The following SUGCT variants were observed in gnomAD, a reference collection of about 807,000 sequenced individuals.
The protein encoded by SUGCT is succinyl-CoA:glutarate-CoA transferase.
SUGCT carries 41 observed loss-of-function variants against 55.0 expected under a neutral mutation model. The ratio of observed to expected loss-of-function variants is 0.74; its 90% confidence interval spans 0.58 to 0.97. The LOEUF (loss-of-function observed/expected upper bound fraction) is 0.97, where lower values mean the gene tolerates loss of function less well. Among genes scored for constraint, SUGCT ranks in the 50% least tolerant of loss-of-function variants. SUGCT has a pLI of 0.00. For missense variants in SUGCT, 568 were observed against 547.8 expected (o/e 1.04, Z -0.37); for synonymous variants, 187 against 200.4 (o/e 0.93, Z 0.56).
At chr7:40,951,451 C>T in the SUGCT span, among the ~76,000 whole-genome samples, 2 of 152,070 alleles carry the variant, frequency 1.3e-5, no homozygotes, top group Admixed American at 6.6e-5. Flanking sequence ...GTGTCTGTCT[C>T]CTTCAGTTCT....
chr7:40,231,073 G>C (rs753852570), intron 6 of SUGCT, among the ~76,000 whole-genome samples: 15 of 152,176 alleles, frequency 9.9e-5, no homozygotes, highest in Non-Finnish European at 1.9e-4. Flanking sequence ...ATTCATTAGA[G>C]AGATGAGAAT....
intron 1 of SUGCT, among the ~76,000 whole-genome samples, chr7:40,135,999 A>ATTTTT (rs34395438): frequency 8.9e-6 from 1 of 112,964 alleles, no homozygotes; most frequent in Admixed American, 9.4e-5. Flanking sequence ...AGGATGCAGG[A>ATTTTT]TTTTTTTTTT....
intron 12 of SUGCT, among the ~76,000 whole-genome samples, chr7:40,689,086 C>T (rs1158949105): frequency 1.3e-5 from 2 of 152,142 alleles, no homozygotes. Flanking sequence ...CTGAGGCAGA[C>T]CCAACTTAAA....
intron 12 of SUGCT, among the ~76,000 whole-genome samples, chr7:40,532,905 T>C (rs1407093697): frequency 1.3e-5 from 2 of 152,202 alleles, no homozygotes; most frequent in Non-Finnish European, 2.9e-5. Context: ...GTCTCTCAGC[T>C]CACATGAGTA....
At chr7:40,970,617 C>A in the SUGCT span, among the ~76,000 whole-genome samples, 1 of 152,148 alleles carries the variant, frequency 6.6e-6, no homozygotes, top group Non-Finnish European at 1.5e-5. Flanking sequence ...TAGGAAAGTT[C>A]TGAGAAATAC....
chr7:40,503,592 T>C lies in SUGCT; in HGVS notation c.1089+7206T>C, dbSNP rs192282317. Among the ~76,000 whole-genome samples, 489 of 152,280 alleles carry C rather than the reference T, an allele frequency of 3.2e-3. 2 individuals carry two copies. Among genetic ancestry groups the C allele is most frequent in the Non-Finnish European group, 4.9e-3 (331 of 67,974 alleles). On this transcript the variant is annotated intron_variant, in intron 12 of 13. Transcript: ENST00000335693. ...AATAAGAGGAGAAAGGGAGACATTTTCTGTTTGAAATAACGGAAATTAACT... is the reference window on the plus strand; with the variant it reads ...AATAAGAGGAGAAAGGGAGACATTTCCTGTTTGAAATAACGGAAATTAACT...
chr7:40,427,062 A>G (rs1787624673), intron 9 of SUGCT, among the ~76,000 whole-genome samples: 1 of 152,182 alleles, frequency 6.6e-6, no homozygotes, highest in African/African-American at 2.4e-5. Flanking sequence ...CTCCTGCCTC[A>G]GCCTTCTAAA....
At chr7:40,290,596 C>G (rs1793677640) in intron 8 of SUGCT, among the ~76,000 whole-genome samples, 2 of 152,150 alleles carry the variant, frequency 1.3e-5, no homozygotes, top group Admixed American at 1.3e-4. Flanking sequence ...TAGGCATGGG[C>G]AAGGACTACA....
chr7:40,384,573 C>G (rs912518976), intron 9 of SUGCT, among the ~76,000 whole-genome samples: 2 of 151,076 alleles, frequency 1.3e-5, no homozygotes, highest in African/African-American at 4.9e-5. Flanking sequence ...TTTTTTGAGA[C>G]AGTATCTTGC....
chr7:40,796,902 G>C (rs1277540849), intron 13 of SUGCT, among the ~76,000 whole-genome samples: 1 of 152,210 alleles, frequency 6.6e-6, no homozygotes, highest in Non-Finnish European at 1.5e-5. Flanking sequence ...GTGAAGGTCA[G>C]CCCGAGATGA....
intron 8 of SUGCT, among the ~76,000 whole-genome samples, chr7:40,276,522 C>T (rs139539328): frequency 4.7e-4 from 71 of 152,224 alleles, no homozygotes; most frequent in African/African-American, 1.7e-3. Context: ...TGTAGCAGGT[C>T]GTGGAGTTGA....
At chr7:40,581,829 C>T (rs949463800) in intron 12 of SUGCT, among the ~76,000 whole-genome samples, 4 of 152,062 alleles carry the variant, frequency 2.6e-5, no homozygotes, top group African/African-American at 9.7e-5. Context: ...GGAAAGTGAC[C>T]AGAGAGAATC....
At chr7:40,548,256 A>G (rs1795112513) in intron 12 of SUGCT, among the ~76,000 whole-genome samples, 1 of 137,676 alleles carries the variant, frequency 7.3e-6, no homozygotes, top group African/African-American at 2.8e-5. Context: ...TGGTACAATC[A>G]TAGCTCACTG....
intron 13 of SUGCT, among the ~76,000 whole-genome samples, chr7:40,857,532 G>T (rs1325269273): frequency 6.6e-6 from 1 of 152,108 alleles, no homozygotes; most frequent in Non-Finnish European, 1.5e-5. Context: ...TGGTAGCATA[G>T]TCTTCAGTGT....
At chr7:40,265,575 A>G (rs895517827) in intron 7 of SUGCT, among the ~76,000 whole-genome samples, 2 of 152,168 alleles carry the variant, frequency 1.3e-5, no homozygotes, top group African/African-American at 4.8e-5. Context: ...AAAATGTTAA[A>G]AATTCTTAAA....
At position 40,691,723 on chromosome 7, in the gene SUGCT, T is replaced by C. The variant is rs147465075; in HGVS notation, c.1090-57711T>C. 3.3e-5 allele frequency among the ~76,000 whole-genome samples: 5 copies of C among 152,316 alleles called. No individual in the cohort carries two copies. In the East Asian group the frequency reaches 9.6e-4, roughly 29 times the overall value. On this transcript the variant is annotated intron_variant, in intron 12 of 13. Coordinates refer to ENST00000335693, the MANE Select transcript of SUGCT (RefSeq NM_001193313.2). Reference sequence around the variant, plus strand: ...AAGTCAAATGGATGTCTTTCTTTCTTAGAGTCTGCTTGGATGAACTCACCT... The same window carrying C: ...AAGTCAAATGGATGTCTTTCTTTCTCAGAGTCTGCTTGGATGAACTCACCT...
intron 1 of SUGCT, among the ~76,000 whole-genome samples, chr7:40,150,407 G>A (rs904173411): frequency 4.6e-5 from 7 of 152,192 alleles, no homozygotes; most frequent in Non-Finnish European, 8.8e-5. Flanking sequence ...GGTGGCTCAC[G>A]CCTGTAATCC....
intron 12 of SUGCT, among the ~76,000 whole-genome samples, chr7:40,632,628 G>A (rs1336901668): frequency 6.6e-6 from 1 of 151,188 alleles, no homozygotes; most frequent in Non-Finnish European, 1.5e-5. Flanking sequence ...AGAATGTTAT[G>A]TATCTGTTTC....
intron 12 of SUGCT, among the ~76,000 whole-genome samples, chr7:40,705,174 G>GT (rs1785340145): frequency 6.6e-6 from 1 of 151,864 alleles, no homozygotes; most frequent in Non-Finnish European, 1.5e-5. Flanking sequence ...TTTATTTTGA[G>GT]TTTTTATTTT....
Sources: allele counts gnomAD v4.1 joint callset (sites outside exome capture counted in the v4.1 genomes callset), GRCh38; gene constraint gnomAD v4.1.1; transcripts MANE v1.5; gene names NCBI Gene and HGNC (gene_info 2026-07-23, HGNC 2026-07-21).